Variants in TERB1 observed in about 807,000 individuals in gnomAD.
TERB1 encodes telomere repeats-binding bouquet formation protein 1.
In TERB1, 63 loss-of-function variants were observed where a neutral mutation model predicts 92.3. The ratio of observed to expected loss-of-function variants is 0.68; its 90% confidence interval spans 0.56 to 0.84. TERB1 has a LOEUF of 0.84. Among genes scored for constraint, TERB1 ranks in the 40% least tolerant of loss-of-function variants. The pLI, the probability that TERB1 is intolerant of heterozygous loss-of-function variation, is 0.00. For missense variants in TERB1, 709 were observed against 843.7 expected, an observed-to-expected ratio of 0.84 and a Z score of 1.98; for synonymous variants, 252 against 283.9, an observed-to-expected ratio of 0.89 and a Z score of 1.13.
At chr16:66,764,641 GC>G (rs61096296) in intron 16 of TERB1, among the ~76,000 whole-genome samples, 2,385 of 152,256 alleles carry the variant, frequency 0.016, 54 homozygotes, top group South Asian at 0.095. Context: ...GATAATTTAG[GC>G]ATGAAACAAA....
chr16:66,788,000 G>T (rs564972255), intron 6 of TERB1, among the ~76,000 whole-genome samples, 169 bp downstream of exon 6: 4 of 152,192 alleles, frequency 2.6e-5, no homozygotes, highest in African/African-American at 4.8e-5. Flanking sequence ...GGCAGAGGTT[G>T]CAGTAAGCCA....
At chr16:66,759,028 G>C in intron 17 of TERB1, 113 bp downstream of exon 17, 1 of 1,082,074 alleles carries the variant, frequency 9.2e-7, no homozygotes, top group South Asian at 1.7e-5. Flanking sequence ...CTTAGAGACA[G>C]ATTTTCTTTT....
At chr16:66,793,081 CA>C (rs1020967309) in intron 3 of TERB1, among the ~76,000 whole-genome samples, 3 of 149,310 alleles carry the variant, frequency 2.0e-5, no homozygotes, top group Non-Finnish European at 4.5e-5. Flanking sequence ...AAAAACAAAA[CA>C]AAAAAAATTT....
chr16:66,754,924 CA>C lies in TERB1; in HGVS notation c.*51del. ...AGAAAAATACTTTAAATGTATCTTT[CA>C]AGGCACTGTATTTTAAGAATCCAAA... On this transcript the variant is annotated 3_prime_UTR_variant, in exon 19 of 19. Coordinates refer to ENST00000433154, the MANE Select transcript of TERB1 (RefSeq NM_001136505.2). 2.1e-6 allele frequency: 3 copies of C among 1,436,840 alleles called. No homozygotes were observed. The highest frequency in any genetic ancestry group is 2.8e-6 in the Non-Finnish European group (3 of 1,061,082). The allele number at this position is 1,436,840 out of a possible 1,614,324, so 89.0% of individuals were successfully genotyped here. A position where few individuals can be genotyped will look rare whatever the true frequency, so the allele number is the denominator to read the frequency against.
In TERB1 at chr16:66,780,499, G is replaced by T. The variant is rs556924451; in HGVS notation, c.701-1484C>A. On this transcript the variant is annotated intron_variant, in intron 9 of 18. Coordinates refer to ENST00000433154, the MANE Select transcript of TERB1 (RefSeq NM_001136505.2). The stretch of plus-strand genomic sequence containing the variant: ...GCAGGGGGATCACTTAGGCCTAGAA[G>T]TTTGAGGCTGCAGTGACCCATGATT... Among the ~76,000 whole-genome samples the T allele has an allele frequency of 6.9e-4, 105 of 152,054 alleles. 1 individual carries two copies. In the South Asian group the frequency reaches 0.012, roughly 17 times the overall value.
chr16:66,768,027 C>G, intron 15 of TERB1, 77 bp downstream of exon 15: 1 of 1,187,922 alleles, frequency 8.4e-7, no homozygotes, highest in South Asian at 1.3e-5. Context: ...CGCACCCAGT[C>G]AATGTGCATT....
At chr16:66,790,563 A>G in intron 5 of TERB1, 32 bp downstream of exon 5, 1 of 1,450,876 alleles carries the variant, frequency 6.9e-7, no homozygotes, top group Non-Finnish European at 9.4e-7. Context: ...CACAATGCTT[A>G]AAGTATAATG....
At chr16:66,767,653 T>A in intron 15 of TERB1, 143 bp from the exon 16 acceptor site, 1 of 562,906 alleles carries the variant, frequency 1.8e-6, no homozygotes, top group Admixed American at 3.7e-5. Context: ...AGAAAGATTC[T>A]GGATCTTAAT....
At chr16:66,774,207 A>T (rs2018503576) in intron 12 of TERB1, among the ~76,000 whole-genome samples, 1 of 109,380 alleles carries the variant, frequency 9.1e-6, no homozygotes. Context: ...TTTTTTTGAG[A>T]CAGAGTCTTG....
At chr16:66,791,250 G>A (rs2018830532) in intron 3 of TERB1, among the ~76,000 whole-genome samples, 1 of 151,510 alleles carries the variant, frequency 6.6e-6, no homozygotes, top group African/African-American at 2.4e-5. Flanking sequence ...TATAAATATA[G>A]GAATAGAAAG....
intron 13 of TERB1, 119 bp from the exon 14 acceptor site, chr16:66,770,428 A>G (rs1483093342): frequency 1.4e-6 from 1 of 691,522 alleles, no homozygotes; most frequent in Admixed American, 3.2e-5. Flanking sequence ...TAGAACATAT[A>G]TGATAAAAGG....
intron 11 of TERB1, among the ~76,000 whole-genome samples, chr16:66,776,493 G>C (rs1366588907): frequency 6.6e-6 from 1 of 152,020 alleles, no homozygotes; most frequent in Non-Finnish European, 1.5e-5. Context: ...ATTACACAGA[G>C]GTTAAGGGAA....
intron 16 of TERB1, among the ~76,000 whole-genome samples, chr16:66,760,654 T>C (rs1451428138): frequency 7.1e-4 from 79 of 110,584 alleles, no homozygotes; most frequent in South Asian, 3.1e-3. Flanking sequence ...GGCATGGTGG[T>C]GGGTGCCTGT....
intron 13 of TERB1, 88 bp downstream of exon 13, chr16:66,772,501 T>C (rs2018468298): frequency 1.6e-6 from 2 of 1,232,968 alleles, no homozygotes; most frequent in Admixed American, 5.7e-5. Flanking sequence ...TAACAAAAAA[T>C]TTATATGTCA....
intron 9 of TERB1, among the ~76,000 whole-genome samples, chr16:66,780,613 G>A (rs998963657): frequency 6.6e-6 from 1 of 151,410 alleles, no homozygotes; most frequent in African/African-American, 2.4e-5. Context: ...TGATGAAAAT[G>A]GCAGTGTGTT....
chr16:66,794,922 A>AACAC (rs57731987), intron 3 of TERB1, among the ~76,000 whole-genome samples: 88 of 146,246 alleles, frequency 6.0e-4, no homozygotes, highest in Admixed American at 9.5e-4. Flanking sequence ...AAAAAAAAAA[A>AACAC]ACACACACAC....
chr16:66,785,776 G>A lies in TERB1; in HGVS notation c.700+10C>T, dbSNP rs958517830. The A allele has an allele frequency of 1.7e-5, 26 of 1,509,860 alleles. No homozygotes were observed. In the African/African-American group the frequency reaches 2.4e-4, roughly 14 times the overall value. The allele number at this position is 1,509,860 out of a possible 1,614,324, so 93.5% of individuals were successfully genotyped here. On this transcript the variant is annotated intron_variant, in intron 9 of 18. Transcript: ENST00000433154. ...CTTCAACTATGACCTAGAAAATAACGAACACTTACTGTTATTTGCAAGAGT... is the reference window on the plus strand; with the variant it reads ...CTTCAACTATGACCTAGAAAATAACAAACACTTACTGTTATTTGCAAGAGT...
chr16:66,778,763 G>A, intron 10 of TERB1, 100 bp downstream of exon 10: 3 of 1,000,504 alleles, frequency 3.0e-6, no homozygotes, highest in East Asian at 2.9e-5. Flanking sequence ...GAGAAACTTA[G>A]TCTAAACCAT....
intron 9 of TERB1, among the ~76,000 whole-genome samples, chr16:66,783,205 A>G (rs1005126649): frequency 6.6e-6 from 1 of 152,160 alleles, no homozygotes; most frequent in African/African-American, 2.4e-5. Flanking sequence ...TTCACCGTTA[A>G]GTGTGTTACT....
Sources: allele counts gnomAD v4.1 joint callset (sites outside exome capture counted in the v4.1 genomes callset), GRCh38; gene constraint gnomAD v4.1.1; transcripts MANE v1.5; gene names NCBI Gene and HGNC (gene_info 2026-07-23, HGNC 2026-07-21).